PPFIBP1: variants seen among roughly 807,000 people sequenced by gnomAD.
PPFIBP1 encodes liprin-beta-1.
In PPFIBP1, 112 loss-of-function variants were observed where a neutral mutation model predicts 137.8. The ratio of observed to expected loss-of-function variants is 0.81; its 90% confidence interval spans 0.70 to 0.95. The LOEUF (loss-of-function observed/expected upper bound fraction) is 0.95, where lower values mean the gene tolerates loss of function less well. Ranked by LOEUF, PPFIBP1 falls within the 40% of genes least tolerant of loss-of-function variation. PPFIBP1 has a pLI of 0.00. For missense variants in PPFIBP1, 1,083 were observed against 1,196.6 expected, an observed-to-expected ratio of 0.91 and a Z score of 1.40; for synonymous variants, 378 against 417.3, an observed-to-expected ratio of 0.91 and a Z score of 1.15.
intron 7 of PPFIBP1, chr12:27,654,388 A>C (rs1193826094): frequency 5.8e-6 from 1 of 171,252 alleles, no homozygotes; most frequent in Non-Finnish European, 1.2e-5. Flanking sequence ...TAGAAATAGC[A>C]CTCTGTGAAA....
intron 7 of PPFIBP1, among the ~76,000 whole-genome samples, chr12:27,653,268 G>A (rs2058986261): frequency 6.6e-6 from 1 of 152,126 alleles, no homozygotes; most frequent in East Asian, 1.9e-4. Flanking sequence ...TTGTGATGCA[G>A]GAATACATGC....
intron 2 of PPFIBP1, among the ~76,000 whole-genome samples, chr12:27,624,188 C>T (rs1219964324): frequency 6.6e-6 from 1 of 152,106 alleles, no homozygotes; most frequent in Non-Finnish European, 1.5e-5. Flanking sequence ...GCCGGCAGTC[C>T]TGTACATAGT....
chr12:27,579,172 C>T (rs566734051), intron 2 of PPFIBP1, among the ~76,000 whole-genome samples: 131 of 152,296 alleles, frequency 8.6e-4, no homozygotes, highest in Non-Finnish European at 1.2e-3. Flanking sequence ...GATCTGTTGT[C>T]CAGTTCCAGT....
At chr12:27,665,491 TTGAGTTCAGCTTTGAACATGG>T (rs905952989) in intron 12 of PPFIBP1, among the ~76,000 whole-genome samples, 2 of 152,098 alleles carry the variant, frequency 1.3e-5, no homozygotes, top group African/African-American at 4.8e-5. Flanking sequence ...GTAAGGGGGA[TTGAGTTCAGCTTTGAACATGG>T]TGAGTTCAGA....
intron 2 of PPFIBP1, 136 bp from the exon 3 acceptor site, chr12:27,633,226 A>C (rs1165105729): frequency 1.6e-6 from 1 of 621,482 alleles, no homozygotes; most frequent in African/African-American, 1.8e-5. Context: ...GATTGGCCAC[A>C]GCTTGCTACT....
intron 2 of PPFIBP1, among the ~76,000 whole-genome samples, chr12:27,612,880 G>A (rs537874554): frequency 3.0e-4 from 46 of 152,046 alleles, no homozygotes; most frequent in African/African-American, 8.9e-4. Context: ...TTAATAAAAC[G>A]TCTTATCCCT....
chr12:27,656,425 A>G (rs1236298012), intron 8 of PPFIBP1, among the ~76,000 whole-genome samples, 191 bp from the exon 9 acceptor site: 1 of 152,222 alleles, frequency 6.6e-6, no homozygotes, highest in Non-Finnish European at 1.5e-5. Flanking sequence ...ACTATTATAA[A>G]CAGGACTTCT....
At chr12:27,681,793 G>A (rs2060890973) in intron 22 of PPFIBP1, 97 bp downstream of exon 22, 1 of 1,384,216 alleles carries the variant, frequency 7.2e-7, no homozygotes, top group Non-Finnish European at 9.7e-7. Context: ...CATGAGTGAA[G>A]CCAGTAAAAA....
chr12:27,655,773 A>C (rs1394218566), intron 8 of PPFIBP1, among the ~76,000 whole-genome samples: 2 of 152,216 alleles, frequency 1.3e-5, no homozygotes, highest in Non-Finnish European at 2.9e-5. Context: ...GGAGAACTAC[A>C]TCTTCTCATA....
intron 2 of PPFIBP1, among the ~76,000 whole-genome samples, chr12:27,603,487 T>A (rs189992499): frequency 2.6e-5 from 4 of 152,352 alleles, no homozygotes; most frequent in Non-Finnish European, 5.9e-5. Flanking sequence ...ATCAAAATCA[T>A]GTGTGCACAC....
intron 12 of PPFIBP1, among the ~76,000 whole-genome samples, chr12:27,665,290 A>G (rs1289168774): frequency 6.6e-5 from 10 of 152,238 alleles, no homozygotes; most frequent in Non-Finnish European, 1.3e-4. Flanking sequence ...GCAGTATTCC[A>G]AGTGAAAAAA....
intron 27 of PPFIBP1, among the ~76,000 whole-genome samples, chr12:27,689,774 A>C (rs555702014): frequency 1.3e-5 from 2 of 152,190 alleles, no homozygotes; most frequent in South Asian, 2.1e-4. Context: ...TGTTGGCTGC[A>C]CTTCCACCTA....
intron 2 of PPFIBP1, among the ~76,000 whole-genome samples, chr12:27,581,000 T>A (rs2051049550): frequency 6.6e-6 from 1 of 152,096 alleles, no homozygotes; most frequent in Admixed American, 6.5e-5. Flanking sequence ...GCTCAAGTGA[T>A]CCTCCCACGT....
chr12:27,589,313 C>T (rs1395112347), intron 2 of PPFIBP1, among the ~76,000 whole-genome samples: 1 of 152,098 alleles, frequency 6.6e-6, no homozygotes, highest in East Asian at 1.9e-4. Flanking sequence ...ATTCTTGTGG[C>T]CAGTTAGACT....
At chr12:27,614,129 G>C (rs2055478697) in intron 2 of PPFIBP1, among the ~76,000 whole-genome samples, 1 of 152,092 alleles carries the variant, frequency 6.6e-6, no homozygotes, top group South Asian at 2.1e-4. Flanking sequence ...TGTAATCCCA[G>C]CACTTTTGGA....
chr12:27,537,066 A>G (rs1420429858), intron 1 of PPFIBP1, among the ~76,000 whole-genome samples: 2 of 151,616 alleles, frequency 1.3e-5, no homozygotes, highest in African/African-American at 4.8e-5. Context: ...CTGGGTTCGC[A>G]TCCTCCTTCT....
At position 27,673,750 on chromosome 12, in the gene PPFIBP1, A is replaced by G. The variant is rs1298997432; in HGVS notation, c.1320-17A>G. On this transcript the variant is annotated splice_polypyrimidine_tract_variant and intron_variant, in intron 15 of 29. Transcript: ENST00000228425. ...CTGGAGCCACTTATTATTAATTGTTATTACTGTTATTTTTAGAACTTCAAG... is the reference window on the plus strand; with the variant it reads ...CTGGAGCCACTTATTATTAATTGTTGTTACTGTTATTTTTAGAACTTCAAG... 6.2e-7 allele frequency: 1 copy of G among 1,607,554 alleles called. No homozygotes were observed. Among genetic ancestry groups the G allele is most frequent in the Admixed American group, 1.7e-5 (1 of 59,656 alleles).
At chr12:27,631,755 G>A (rs550430723) in intron 2 of PPFIBP1, among the ~76,000 whole-genome samples, 5 of 151,764 alleles carry the variant, frequency 3.3e-5, no homozygotes, top group African/African-American at 1.2e-4. Context: ...GACTTGAACT[G>A]TTTATGCTCT....
Position 27,692,796 on chromosome 12 carries a change from C to T in PPFIBP1, c.2932C>T (p.His978Tyr). The T allele has an allele frequency of 1.7e-5, 27 of 1,614,102 alleles. No individual in the cohort carries two copies. Among genetic ancestry groups the T allele is most frequent in the Non-Finnish European group, 2.2e-5 (26 of 1,179,986 alleles). The change falls in exon 30 of 30, where the codon CAC (histidine) becomes TAC (tyrosine). Residue 978 changes from histidine (H) to tyrosine (Y), a missense_variant and splice_region_variant. His to Tyr is a moderately conservative substitution (Grantham distance 83). Coordinates refer to ENST00000228425, the MANE Select transcript of PPFIBP1 (RefSeq NM_003622.4). ...AFSEGINNLT[H>Y]MLKEDDMFKD... Reference sequence around the variant, plus strand: ...GACTCCCTGTCTCCTTGTTTTCCAGCACATGTTAAAAGAAGATGACATGTT... The same window carrying T: ...GACTCCCTGTCTCCTTGTTTTCCAGTACATGTTAAAAGAAGATGACATGTT...
Sources: gnomAD v4.1 joint callset for allele counts (sites outside exome capture counted in the v4.1 genomes callset) on GRCh38, gnomAD v4.1.1 for gene constraint, MANE v1.5 for transcripts, NCBI Gene and HGNC (gene_info 2026-07-23, HGNC 2026-07-21) for gene names.